Variants in AGO3 observed in about 807,000 individuals in gnomAD.
The protein encoded by AGO3 is protein argonaute-3.
Under a neutral mutation model 105.5 loss-of-function variants are expected in AGO3, and 16 were observed. That is an observed-to-expected ratio of 0.15 (90% CI 0.10 to 0.23). The LOEUF is 0.23. Ranked by LOEUF, AGO3 falls within the 10% of genes least tolerant of loss-of-function variation. The pLI is 1.00. For synonymous variants in AGO3, 340 were observed against 367.3 expected (o/e 0.93, Z 0.85); for missense variants, 534 against 1,088.0 (o/e 0.49, Z 7.16).
At position 35,968,457 on chromosome 1, in the gene AGO3, G is replaced by T. The variant is rs201772703; in HGVS notation, c.312+1382G>T. Among the ~76,000 whole-genome samples, 12 of 152,062 alleles carry T rather than the reference G, an allele frequency of 7.9e-5. No homozygotes were observed. The East Asian group carries it at 2.3e-3, about 29-fold the overall frequency. On this transcript the variant is annotated intron_variant, in intron 3 of 18. Coordinates refer to ENST00000373191, the MANE Select transcript of AGO3 (RefSeq NM_024852.4). ...CCATTGCTCCCTCCCCTCAGCCCTG[G>T]CAACCACCATAGTACTTTCTGTCTC...
chr1:36,029,042 A>G (rs186662564), intron 12 of AGO3, among the ~76,000 whole-genome samples: 97 of 152,270 alleles, frequency 6.4e-4, no homozygotes, highest in South Asian at 1.2e-3. Context: ...TTAGTGTATC[A>G]GTTATACTTC....
chr1:36,035,189 TAAAG>T, intron 13 of AGO3, among the ~76,000 whole-genome samples: 1 of 152,180 alleles, frequency 6.6e-6, no homozygotes, highest in Admixed American at 6.5e-5. Flanking sequence ...ATGAGATAAA[TAAAG>T]AATTTTATCA....
At chr1:36,049,382 G>A (rs1406075311) in intron 17 of AGO3, among the ~76,000 whole-genome samples, 1 of 152,102 alleles carries the variant, frequency 6.6e-6, no homozygotes, top group Non-Finnish European at 1.5e-5. Context: ...GCCAGGCATG[G>A]TGGCACGCAC....
At chr1:36,024,779 G>A (rs935600165) in intron 11 of AGO3, among the ~76,000 whole-genome samples, 3 of 152,060 alleles carry the variant, frequency 2.0e-5, no homozygotes, top group African/African-American at 7.2e-5. Context: ...TGCCTCCCAG[G>A]TTCAAGCGTA....
At chr1:35,997,201 C>G (rs145110036) in intron 5 of AGO3, among the ~76,000 whole-genome samples, 16 of 152,034 alleles carry the variant, frequency 1.1e-4, no homozygotes, top group Non-Finnish European at 1.9e-4. Context: ...ATCGCTGGAA[C>G]CTGGGAGGTG....
intron 2 of AGO3, among the ~76,000 whole-genome samples, chr1:35,958,769 CAGAGTAA>C (rs1338592181): frequency 6.6e-6 from 1 of 152,154 alleles, no homozygotes; most frequent in Non-Finnish European, 1.5e-5. Flanking sequence ...CTAGTAACCA[CAGAGTAA>C]TAAAGATAAG....
intron 5 of AGO3, among the ~76,000 whole-genome samples, chr1:35,997,271 T>C (rs1437613929): frequency 6.6e-6 from 1 of 152,026 alleles, no homozygotes. Context: ...AAAGTGAGAC[T>C]CCATCTCAGC....
At chr1:35,997,485 A>G (rs2148801948) in intron 5 of AGO3, among the ~76,000 whole-genome samples, 1 of 152,272 alleles carries the variant, frequency 6.6e-6, no homozygotes, top group Admixed American at 6.5e-5. Context: ...CTAGTCAGCC[A>G]TGTGATCACA....
intron 3 of AGO3, among the ~76,000 whole-genome samples, chr1:35,971,248 C>T (rs1646865259): frequency 6.6e-6 from 1 of 150,482 alleles, no homozygotes; most frequent in Non-Finnish European, 1.5e-5. Flanking sequence ...CACCCTCTGC[C>T]TCCTGAGTTC....
intron 5 of AGO3, among the ~76,000 whole-genome samples, chr1:35,996,492 C>G (rs577317742): frequency 6.6e-6 from 1 of 151,904 alleles, no homozygotes. Context: ...TATGTGTGGT[C>G]GGGCACAGTG....
intron 3 of AGO3, among the ~76,000 whole-genome samples, chr1:35,967,484 G>A (rs1053472630): frequency 6.6e-6 from 1 of 150,834 alleles, no homozygotes; most frequent in South Asian, 2.1e-4. Flanking sequence ...GTGTGATCTC[G>A]GCTCACTGCA....
intron 1 of AGO3, among the ~76,000 whole-genome samples, chr1:35,944,737 C>T (rs1419965547): frequency 6.6e-6 from 1 of 151,974 alleles, no homozygotes; most frequent in African/African-American, 2.4e-5. Context: ...CTCCCAACCT[C>T]AGGTGATCTG....
At chr1:36,018,517 C>G (rs1051820747) in intron 11 of AGO3, among the ~76,000 whole-genome samples, 1 of 152,048 alleles carries the variant, frequency 6.6e-6, no homozygotes, top group Non-Finnish European at 1.5e-5. Context: ...ACTGCAACCT[C>G]CATCTCCCGG....
intron 5 of AGO3, among the ~76,000 whole-genome samples, chr1:35,999,081 G>A (rs764833395): frequency 3.9e-5 from 6 of 152,090 alleles, no homozygotes; most frequent in South Asian, 4.1e-4. Flanking sequence ...GGCTGGGCAC[G>A]GTGGCTCATG....
Position 36,027,563 on chromosome 1 carries a change from A to C in AGO3, c.1591+265A>C, listed in dbSNP as rs1343306949. On this transcript the variant is annotated intron_variant, in intron 12 of 18. Coordinates refer to ENST00000373191, the MANE Select transcript of AGO3 (RefSeq NM_024852.4). This position sits in a 1 kb window ranked among gnomAD's most constrained non-coding sequence, Gnocchi z 4.0. ...GAGGCCGAGGCGGGTGGATCACCTG[A>C]GGTCAGGAGTTCGAGACCAGCCTGG... Among the ~76,000 whole-genome samples the C allele has an allele frequency of 6.6e-6, 1 of 152,178 alleles. No individual in the cohort carries two copies. Among genetic ancestry groups the C allele is most frequent in the African/African-American group, 2.4e-5 (1 of 41,446 alleles).
At position 36,014,074 on chromosome 1, in the gene AGO3, T is replaced by C. The variant is rs778228916; in HGVS notation, c.1406+26T>C. 6.2e-6 allele frequency: 10 copies of C among 1,613,558 alleles called. No homozygotes were observed. In the South Asian group the frequency reaches 9.9e-5, roughly 16 times the overall value. ...GTAAGACATGTCATTACCTTGGCTTTGGGACTTTTTTGTGTTTAGACTTTA... is the reference window on the plus strand; with the variant it reads ...GTAAGACATGTCATTACCTTGGCTTCGGGACTTTTTTGTGTTTAGACTTTA... On this transcript the variant is annotated intron_variant, in intron 11 of 18. Transcript: ENST00000373191.
chr1:35,966,995 A>G lies in AGO3; in HGVS notation c.232A>G (p.Ile78Val), dbSNP rs750071028. 14 of 1,613,468 alleles carry G rather than the reference A, an allele frequency of 8.7e-6. No homozygotes were observed. In the East Asian group the frequency reaches 1.6e-4, roughly 18 times the overall value. Residue 78 changes from isoleucine to valine, a missense_variant, in exon 3 of 19, where the codon ATA becomes GTA. Coordinates refer to ENST00000373191, the MANE Select transcript of AGO3 (RefSeq NM_024852.4). ...AATGGTTCAGCATTTTAAAGTAACT[A>G]TATTTGGAGACCGTAGACCAGTTTA... is the stretch of plus-strand genomic sequence containing the variant. ...DSMVQHFKVT[I>V]FGDRRPVYDG...
At chr1:36,023,717 A>G (rs1641355416) in intron 11 of AGO3, among the ~76,000 whole-genome samples, 13 of 152,240 alleles carry the variant, frequency 8.5e-5, no homozygotes, top group Admixed American at 8.5e-4. Flanking sequence ...CTTTAGGCCA[A>G]ACTTTAAAAA....
chr1:35,956,295 G>A (rs1244397936), intron 2 of AGO3, among the ~76,000 whole-genome samples: 1 of 152,144 alleles, frequency 6.6e-6, no homozygotes, highest in Admixed American at 6.5e-5. Flanking sequence ...CAGAAATATA[G>A]ATTCTGAAGG....
Sources: allele counts gnomAD v4.1 joint callset (sites outside exome capture counted in the v4.1 genomes callset), GRCh38; gene constraint gnomAD v4.1.1; non-coding constraint Gnocchi (gnomAD v3.1); transcripts MANE v1.5; gene names NCBI Gene and HGNC (gene_info 2026-07-23, HGNC 2026-07-21).